SNX29: variants seen among roughly 807,000 people sequenced by gnomAD.
SNX29 encodes sorting nexin-29.
Under a neutral mutation model 102.1 loss-of-function variants are expected in SNX29, and 78 were observed. The ratio of observed to expected loss-of-function variants is 0.76; its 90% CI spans 0.64 to 0.92. The LOEUF (loss-of-function observed/expected upper bound fraction) is 0.92, where lower values mean the gene tolerates loss of function less well. Among genes scored for constraint, SNX29 ranks in the 40% least tolerant of loss-of-function variants. The pLI is 0.00. For missense variants in SNX29, 1,280 were observed against 1,061.7 expected (o/e 1.21, Z -2.86); for synonymous variants, 580 against 414.5 (o/e 1.40, Z -4.85).
chr16:12,276,754 C>G (rs779321663), intron 14 of SNX29, among the ~76,000 whole-genome samples: 10 of 152,000 alleles, frequency 6.6e-5, no homozygotes, highest in East Asian at 1.9e-4. Context: ...TTGGAACTAT[C>G]TGGTTCATTC....
At chr16:12,540,444 A>G (rs537144768) in intron 20 of SNX29, among the ~76,000 whole-genome samples, 164 of 152,374 alleles carry the variant, frequency 1.1e-3, no homozygotes, top group Admixed American at 2.2e-3. Context: ...TGTGGAGGCC[A>G]GAAGTCCGAG....
intron 7 of SNX29, among the ~76,000 whole-genome samples, chr16:12,050,812 A>T: frequency 6.6e-6 from 1 of 152,128 alleles, no homozygotes; most frequent in Non-Finnish European, 1.5e-5. Flanking sequence ...CCCGTGTTCA[A>T]GAAATTCTCC....
chr16:11,989,034 G>A (rs2055741683), intron 1 of SNX29, among the ~76,000 whole-genome samples: 1 of 151,976 alleles, frequency 6.6e-6, no homozygotes, highest in Admixed American at 6.5e-5. Context: ...GTGTAGTGGT[G>A]TAATCTCAGC....
chr16:12,079,527 A>G (rs1408008136), intron 11 of SNX29, among the ~76,000 whole-genome samples: 2 of 151,990 alleles, frequency 1.3e-5, no homozygotes, highest in South Asian at 4.1e-4. Context: ...AAAAAAAATT[A>G]GCTTTTGTTG....
chr16:12,118,313 C>T (rs1374918862), intron 11 of SNX29, among the ~76,000 whole-genome samples: 3 of 86,114 alleles, frequency 3.5e-5, no homozygotes, highest in African/African-American at 1.6e-4. Flanking sequence ...TACAGACCAC[C>T]TTTTTTTTTT....
intron 14 of SNX29, among the ~76,000 whole-genome samples, chr16:12,247,147 G>T (rs1004143599): frequency 6.6e-6 from 1 of 152,126 alleles, no homozygotes. Flanking sequence ...TTCCCTATAC[G>T]ACGGGGAGAG....
intron 20 of SNX29, among the ~76,000 whole-genome samples, chr16:12,553,698 C>G (rs972837732): frequency 1.3e-5 from 2 of 151,138 alleles, no homozygotes; most frequent in Non-Finnish European, 2.9e-5. Context: ...TCAAACAATT[C>G]TGCCTCAGCC....
intron 15 of SNX29, among the ~76,000 whole-genome samples, chr16:12,289,910 G>A (rs1374660031): frequency 4.6e-5 from 7 of 152,098 alleles, no homozygotes; most frequent in African/African-American, 9.7e-5. Context: ...TACACCCGGC[G>A]AAGGGGCAGG....
chr16:12,392,991 A>T (rs1204091529), intron 16 of SNX29, among the ~76,000 whole-genome samples: 2 of 152,230 alleles, frequency 1.3e-5, no homozygotes, highest in Non-Finnish European at 2.9e-5. Flanking sequence ...TCTGTTCCTT[A>T]TTAAAAGATG....
chr16:12,128,987 G>C (rs917833593), intron 12 of SNX29, among the ~76,000 whole-genome samples: 1 of 152,136 alleles, frequency 6.6e-6, no homozygotes, highest in South Asian at 2.1e-4. Flanking sequence ...TCCTGTGCTG[G>C]CTGCCAGCCC....
intron 14 of SNX29, among the ~76,000 whole-genome samples, chr16:12,238,566 C>T (rs185498006): frequency 3.3e-5 from 5 of 152,250 alleles, no homozygotes; most frequent in South Asian, 2.1e-4. Flanking sequence ...TCAAGTGATC[C>T]GCCCGCCTTG....
chr16:12,009,327 G>A (rs2056566829), intron 3 of SNX29, among the ~76,000 whole-genome samples: 1 of 151,934 alleles, frequency 6.6e-6, no homozygotes, highest in South Asian at 2.1e-4. Flanking sequence ...ATGGTGCACC[G>A]TATTTTGCCA....
chr16:12,369,140 C>CT lies in SNX29; in HGVS notation c.1899+12874dup, dbSNP rs373599269. On this transcript the variant is annotated intron_variant, in intron 16 of 20. Transcript: ENST00000566228. ...ATGCATGTTATTAGCATGTTCATAT[C>CT]TTTTTTTTTTTTTGAGACGGAGTTT... Among the ~76,000 whole-genome samples, 204 of 145,868 alleles carry CT rather than the reference C, an allele frequency of 1.4e-3. 2 individuals carry two copies. The highest frequency in any genetic ancestry group is 5.8e-3 in the East Asian group (29 of 5,042).
At chr16:12,373,315 AG>A (rs560945487) in intron 16 of SNX29, among the ~76,000 whole-genome samples, 43 of 152,182 alleles carry the variant, frequency 2.8e-4, no homozygotes, top group African/African-American at 9.1e-4. Flanking sequence ...ATTTTTATAG[AG>A]ATGGGGTTTC....
At chr16:12,221,503 A>C (rs547239410) in intron 14 of SNX29, among the ~76,000 whole-genome samples, 43 of 152,336 alleles carry the variant, frequency 2.8e-4, no homozygotes, top group Non-Finnish European at 5.4e-4. Flanking sequence ...AATTGCAGCT[A>C]CTTGGGAGGC....
chr16:12,543,869 A>G (rs1272788583), intron 20 of SNX29, among the ~76,000 whole-genome samples: 1 of 152,188 alleles, frequency 6.6e-6, no homozygotes, highest in Non-Finnish European at 1.5e-5. Flanking sequence ...ACATCCTCTT[A>G]CCACACTACA....
chr16:12,100,102 C>T (rs2052949029), intron 11 of SNX29, among the ~76,000 whole-genome samples: 1 of 152,146 alleles, frequency 6.6e-6, no homozygotes, highest in Non-Finnish European at 1.5e-5. Flanking sequence ...GAGCATGGGA[C>T]TTCAAAGCCC....
intron 15 of SNX29, among the ~76,000 whole-genome samples, chr16:12,285,860 T>C (rs2079577927): frequency 6.6e-6 from 1 of 152,206 alleles, no homozygotes; most frequent in Non-Finnish European, 1.5e-5. Flanking sequence ...TTTATTTATT[T>C]ATTTTTTATT....
Position 12,570,881 on chromosome 16 carries a change from CTG to C in SNX29, c.*2253_*2254del, listed in dbSNP as rs2079173514. ...GAAACTGCCTCCTACTTTTATAATACTGAATTATTCACAAAAAACCTGGTCTG... is the reference window on the plus strand; with the variant it reads ...GAAACTGCCTCCTACTTTTATAATACAATTATTCACAAAAAACCTGGTCTG... On this transcript the variant is annotated 3_prime_UTR_variant, in exon 21 of 21. Transcript: ENST00000566228. The C allele has an allele frequency of 4.3e-6, 1 of 231,492 alleles. No homozygotes were observed. 14.3% of individuals were successfully genotyped at this position (231,492 alleles called of 1,614,324 possible). A position where few individuals can be genotyped will look rare whatever the true frequency, so the allele number is the denominator to read the frequency against.
Sources: allele counts gnomAD v4.1 joint callset (sites outside exome capture counted in the v4.1 genomes callset), GRCh38; gene constraint gnomAD v4.1.1; transcripts MANE v1.5; gene names NCBI Gene and HGNC (gene_info 2026-07-23, HGNC 2026-07-21).